Variants in SIPA1L1 observed in about 807,000 individuals in gnomAD.
SIPA1L1 encodes signal induced proliferation associated 1 like 1.
A neutral mutation model predicts 162.7 loss-of-function variants in SIPA1L1; 26 were observed. The observed-to-expected ratio is 0.16, with a 90% CI of 0.12 to 0.22. SIPA1L1 has a LOEUF of 0.22. Ranked by LOEUF, SIPA1L1 falls within the 10% of genes least tolerant of loss-of-function variation. The probability of loss-of-function intolerance (pLI) is 1.00; values close to 1 mark genes in which losing one functional copy is unlikely to be tolerated. For synonymous variants in SIPA1L1, 829 were observed against 837.4 expected, an observed-to-expected ratio of 0.99 and a Z score of 0.17; for missense variants, 1,874 against 2,241.0, an observed-to-expected ratio of 0.84 and a Z score of 3.31.
intron 2 of SIPA1L1, among the ~76,000 whole-genome samples, chr14:71,363,848 A>G (rs550365692): frequency 1.3e-5 from 2 of 152,258 alleles, no homozygotes; most frequent in South Asian, 4.1e-4. Flanking sequence ...GTGTGGACCT[A>G]TTTTCTTTCT....
chr14:71,542,698 C>T (rs1326461528), intron 4 of SIPA1L1, among the ~76,000 whole-genome samples: 12 of 111,394 alleles, frequency 1.1e-4, no homozygotes, highest in African/African-American at 3.0e-4. Flanking sequence ...TCTCCCTTCT[C>T]CTCCTCCCTC....
chr14:71,661,218 T>A, intron 9 of SIPA1L1, 92 bp from the exon 10 acceptor site: 1 of 1,333,876 alleles, frequency 7.5e-7, no homozygotes, highest in Non-Finnish European at 1.0e-6. Context: ...TGATTAGGAA[T>A]GGATGTTTTA....
chr14:71,735,900 T>G (rs1268083392), intron 22 of SIPA1L1, among the ~76,000 whole-genome samples: 4 of 152,250 alleles, frequency 2.6e-5, no homozygotes, highest in Admixed American at 6.5e-5. Flanking sequence ...TAAGGGCTTC[T>G]CAGTCAGGAG....
intron 2 of SIPA1L1, among the ~76,000 whole-genome samples, chr14:71,382,510 C>T (rs568206828): frequency 3.0e-4 from 46 of 152,282 alleles, no homozygotes; most frequent in African/African-American, 1.0e-3. Context: ...GAGAGAGATT[C>T]GTTTAGCCAG....
intron 2 of SIPA1L1, among the ~76,000 whole-genome samples, chr14:71,502,242 G>GAAAAA (rs139102210): frequency 1.8e-5 from 2 of 108,336 alleles, no homozygotes; most frequent in African/African-American, 3.7e-5. Flanking sequence ...TGAGATACTT[G>GAAAAA]AAAAAAAAAA....
At chr14:71,491,761 A>AACACACAC (rs59275638) in intron 2 of SIPA1L1, among the ~76,000 whole-genome samples, 4,332 of 97,784 alleles carry the variant, frequency 0.044, 125 homozygotes, top group East Asian at 0.071. Context: ...TTTTATTTCA[A>AACACACAC]ACACACACAC....
At chr14:71,480,773 A>C (rs1323296887) in intron 2 of SIPA1L1, among the ~76,000 whole-genome samples, 1 of 152,164 alleles carries the variant, frequency 6.6e-6, no homozygotes, top group Non-Finnish European at 1.5e-5. Flanking sequence ...AAAACAAAAA[A>C]CAAACAAACA....
In SIPA1L1 at chr14:71,588,039, C is replaced by T; in HGVS notation, c.167C>T (p.Pro56Leu). The change falls in exon 5 of 24, where the codon CCC becomes CTC. Residue 56 changes from proline (P) to leucine (L), a missense_variant. This residue lies in a region of SIPA1L1 where 685 missense variants were observed against 828.0 expected (regional missense o/e 0.83). Transcript: ENST00000381232. This position sits in a 1 kb window ranked among gnomAD's most constrained non-coding sequence, Gnocchi z 4.3. ...TCATCAGTTATGGCTCCTGTAGGAC[C>T]CCCCCGAAGTGAAGGTTCTCACCAT... ...LGSSVMAPVG[P>L]PRSEGSHHIT... The T allele has an allele frequency of 3.1e-6, 5 of 1,614,038 alleles. No individual in the cohort carries two copies. The highest frequency in any genetic ancestry group is 4.2e-6 in the Non-Finnish European group (5 of 1,179,964).
chr14:71,644,264 A>C (rs1312100190), intron 7 of SIPA1L1, among the ~76,000 whole-genome samples: 1 of 151,726 alleles, frequency 6.6e-6, no homozygotes, highest in Admixed American at 6.6e-5. Context: ...ACAGGGTTGC[A>C]CTCTATTGCC....
intron 2 of SIPA1L1, among the ~76,000 whole-genome samples, chr14:71,386,850 C>T (rs570144197): frequency 1.3e-4 from 20 of 152,182 alleles, no homozygotes; most frequent in African/African-American, 4.6e-4. Flanking sequence ...AACCAGGATC[C>T]AAACTTGAGT....
At chr14:71,492,268 G>T (rs970597472) in intron 2 of SIPA1L1, among the ~76,000 whole-genome samples, 1 of 152,136 alleles carries the variant, frequency 6.6e-6, no homozygotes, top group African/African-American at 2.4e-5. Flanking sequence ...AGGCAGGAGA[G>T]AATTTAGAAC....
At chr14:71,652,489 G>A (rs2042706410) in intron 8 of SIPA1L1, among the ~76,000 whole-genome samples, 1 of 152,146 alleles carries the variant, frequency 6.6e-6, no homozygotes, top group South Asian at 2.1e-4. Context: ...CTATGGGTTT[G>A]TAGTTTTTAT....
chr14:71,430,499 A>G (rs767441097), intron 2 of SIPA1L1, among the ~76,000 whole-genome samples: 1 of 152,148 alleles, frequency 6.6e-6, no homozygotes, highest in African/African-American at 2.4e-5. Context: ...CATCTAACAA[A>G]TGGGGCTAAT....
At chr14:71,631,052 G>A (rs1335348960) in intron 7 of SIPA1L1, among the ~76,000 whole-genome samples, 3 of 152,158 alleles carry the variant, frequency 2.0e-5, no homozygotes, top group Admixed American at 2.0e-4. Flanking sequence ...GCCTGTGTGT[G>A]ATGTTCCCCA....
At chr14:71,459,215 C>T (rs957162612) in intron 2 of SIPA1L1, among the ~76,000 whole-genome samples, 1 of 152,160 alleles carries the variant, frequency 6.6e-6, no homozygotes, top group African/African-American at 2.4e-5. Context: ...TTTATAGTCA[C>T]ACACTTGCAG....
intron 5 of SIPA1L1, chr14:71,598,126 T>C (rs959091824): frequency 7.6e-5 from 59 of 772,218 alleles, no homozygotes; most frequent in Non-Finnish European, 9.1e-5. Context: ...TTCCTCTCTT[T>C]TCAGGAAATG....
At chr14:71,520,033 T>C (rs2052151963) in intron 3 of SIPA1L1, among the ~76,000 whole-genome samples, 1 of 151,942 alleles carries the variant, frequency 6.6e-6, no homozygotes, top group Non-Finnish European at 1.5e-5. Context: ...GCCCAGGAGA[T>C]CGAGGCTGCA....
intron 5 of SIPA1L1, among the ~76,000 whole-genome samples, chr14:71,599,300 G>A (rs950630485): frequency 6.6e-5 from 10 of 151,466 alleles, no homozygotes; most frequent in South Asian, 4.2e-4. Flanking sequence ...ACAGGCATGC[G>A]CCACCATGCC....
Position 71,730,206 on chromosome 14 carries a change from C to T in SIPA1L1, c.4766C>T (p.Pro1589Leu). ...GCGTCACTTCTGGACCAAGCCCTGC[C>T]CAACGACGTCCTCTTCAGTAGCACG... ...SRASLLDQAL[P>L]NDVLFSSTYP... The change falls in exon 20 of 24, where the codon CCC becomes CTC. Residue 1589 changes from proline to leucine, a missense_variant. Coordinates refer to ENST00000381232, the MANE Select transcript of SIPA1L1 (RefSeq NM_001386936.1). 1 of 1,614,178 alleles carries T rather than the reference C, an allele frequency of 6.2e-7. No individual in the cohort carries two copies. The highest frequency in any genetic ancestry group is 1.1e-5 in the South Asian group (1 of 91,080).
Sources: gnomAD v4.1 joint callset for allele counts (sites outside exome capture counted in the v4.1 genomes callset) on GRCh38, gnomAD v4.1.1 for gene constraint, gnomAD v4.1.1 regional missense constraint, Gnocchi (gnomAD v3.1) non-coding constraint, MANE v1.5 for transcripts, NCBI Gene and HGNC (gene_info 2026-07-23, HGNC 2026-07-21) for gene names.